The following OXNAD1 variants were observed in gnomAD, a reference collection of about 807,000 sequenced individuals.
The protein encoded by OXNAD1 is oxidoreductase NAD binding domain containing 1.
OXNAD1 carries 34 observed loss-of-function variants against 32.9 expected under a neutral mutation model. The ratio of observed to expected loss-of-function variants is 1.03; its 90% confidence interval spans 0.79 to 1.38. The LOEUF (loss-of-function observed/expected upper bound fraction) is 1.38. Ranked by LOEUF, OXNAD1 falls within the 40% of genes most tolerant of loss-of-function variation. The pLI, the probability that OXNAD1 is intolerant of heterozygous loss-of-function variation, is 0.00. For synonymous variants in OXNAD1, 134 were observed against 135.2 expected (o/e 0.99, Z 0.06); for missense variants, 407 against 379.4 (o/e 1.07, Z -0.60).
chr3:16,341,984 C>G (rs368957285), downstream of OXNAD1, among the ~76,000 whole-genome samples: 1 of 152,224 alleles, frequency 6.6e-6, no homozygotes, highest in African/African-American at 2.4e-5. This position sits in a 1 kb window ranked among gnomAD's most constrained non-coding sequence, Gnocchi z 4.7. Context: ...CTTTTCTTGA[C>G]CTGTATTTTC....
In OXNAD1 at chr3:16,346,263, A is replaced by G. The variant is rs1416421345; in HGVS notation, c.*31-2913A>G. 6.6e-6 allele frequency: 1 copy of G among 152,202 alleles called. No homozygotes were observed. The highest frequency in any genetic ancestry group is 1.5e-5 in the Non-Finnish European group (1 of 68,028). 9.4% of individuals were successfully genotyped at this position (152,202 alleles called of 1,614,324 possible). On this transcript the variant is annotated intron_variant, in intron 9 of 9. Transcript: ENST00000606098. The surrounding 1 kb of genome is among the most constrained non-coding windows in gnomAD (Gnocchi z 4.4). ...TTTCATCCATTCATCATGCTCTCACAGTGGCTGACACACAGTAGGAACTCA... is the reference window on the plus strand; with the variant it reads ...TTTCATCCATTCATCATGCTCTCACGGTGGCTGACACACAGTAGGAACTCA...
chr3:16,333,699 G>A (rs565427883), intron 9 of OXNAD1, among the ~76,000 whole-genome samples: 1 of 151,980 alleles, frequency 6.6e-6, no homozygotes, highest in Non-Finnish European at 1.5e-5. Context: ...ATGACAAAAT[G>A]GAAAAATGTT....
downstream of OXNAD1, among the ~76,000 whole-genome samples, chr3:16,310,718 G>A (rs146904458): frequency 6.1e-3 from 930 of 152,180 alleles, 7 homozygotes; most frequent in African/African-American, 0.02. Context: ...GGCTGGGCGC[G>A]GTGACTCACG....
chr3:16,266,690 A>G (rs1288795912), intron 1 of OXNAD1, among the ~76,000 whole-genome samples: 1 of 152,074 alleles, frequency 6.6e-6, no homozygotes, highest in Admixed American at 6.5e-5. Flanking sequence ...ATCAGGCCAG[A>G]AGGAGTTGTT....
At chr3:16,292,922 T>C (rs1189982610) in intron 5 of OXNAD1, among the ~76,000 whole-genome samples, 2 of 152,222 alleles carry the variant, frequency 1.3e-5, no homozygotes, top group Non-Finnish European at 2.9e-5. Context: ...TTCATTACTG[T>C]AGCTTTGTAG....
chr3:16,342,103 T>C (rs554802183), downstream of OXNAD1, among the ~76,000 whole-genome samples: 1 of 152,220 alleles, frequency 6.6e-6, no homozygotes, highest in Non-Finnish European at 1.5e-5. This position sits in a 1 kb window ranked among gnomAD's most constrained non-coding sequence, Gnocchi z 4.0. Flanking sequence ...TGGTTTATAA[T>C]ATATTCAGAG....
downstream of OXNAD1, among the ~76,000 whole-genome samples, chr3:16,339,038 T>C (rs1395897507): frequency 1.3e-5 from 2 of 152,206 alleles, no homozygotes; most frequent in Admixed American, 1.3e-4. Flanking sequence ...TAAAGATTAT[T>C]TCACTGTCCT....
chr3:16,302,575 T>C lies in OXNAD1; in HGVS notation c.676-65T>C, dbSNP rs1157859165. ...AATGGGAGTTGAGGTTCAGCGTCAA[T>C]GGTTGTGCACATCTGTTTTGATTTT... On this transcript the variant is annotated intron_variant, in intron 7 of 8. Transcript: ENST00000285083. The surrounding 1 kb of genome is among the most constrained non-coding windows in gnomAD (Gnocchi z 4.2). 1 of 1,080,618 alleles carries C rather than the reference T, an allele frequency of 9.3e-7. No individual in the cohort carries two copies. The highest frequency in any genetic ancestry group is 1.6e-5 in the African/African-American group (1 of 63,518). The allele number at this position is 1,080,618 out of a possible 1,614,324, so 66.9% of individuals were successfully genotyped here. A position where few individuals can be genotyped will look rare whatever the true frequency, so the allele number is the denominator to read the frequency against.
rs1344665138 is a variant in OXNAD1, at chr3:16,348,541, A to C, written c.*31-635A>C. ...CCTTGTTCAGTCTCTGCTCTCTCCCAGGGCACTTCTGGTCAGCAGGGCACA... is the reference window on the plus strand; with the variant it reads ...CCTTGTTCAGTCTCTGCTCTCTCCCCGGGCACTTCTGGTCAGCAGGGCACA... On this transcript the variant is annotated intron_variant, in intron 9 of 9. Coordinates refer to the OXNAD1 transcript ENST00000606098. This position sits in a 1 kb window ranked among gnomAD's most constrained non-coding sequence, Gnocchi z 6.3. Among the ~76,000 whole-genome samples, 1 of 151,998 alleles carries C rather than the reference A, an allele frequency of 6.6e-6. No individual in the cohort carries two copies. Among genetic ancestry groups the C allele is most frequent in the Non-Finnish European group, 1.5e-5 (1 of 67,968 alleles).
intron 6 of OXNAD1, among the ~76,000 whole-genome samples, chr3:16,296,768 T>G (rs2066827296): frequency 6.6e-6 from 1 of 152,110 alleles, no homozygotes; most frequent in Non-Finnish European, 1.5e-5. Flanking sequence ...CAATTTTGCA[T>G]CTAGATGCAA....
Position 16,301,537 on chromosome 3 carries a change from A to C in OXNAD1, c.433-89A>C. On this transcript the variant is annotated intron_variant, in intron 6 of 8. Coordinates refer to ENST00000285083, the MANE Select transcript of OXNAD1 (RefSeq NM_138381.5). This position sits in a 1 kb window ranked among gnomAD's most constrained non-coding sequence, Gnocchi z 4.1. ...AAATAGTCTTAAATACTGATAATAC[A>C]GGAGATAGACCCAGTTTTATTAAAG... The C allele has an allele frequency of 6.9e-7, 1 of 1,446,920 alleles. No individual in the cohort carries two copies. The highest frequency in any genetic ancestry group is 9.5e-7 in the Non-Finnish European group (1 of 1,055,784). The allele number at this position is 1,446,920 out of a possible 1,614,324, so 89.6% of individuals were successfully genotyped here. A position where few individuals can be genotyped will look rare whatever the true frequency, so the allele number is the denominator to read the frequency against.
At chr3:16,267,076 T>G (rs956174014) in intron 1 of OXNAD1, among the ~76,000 whole-genome samples, 8 of 152,238 alleles carry the variant, frequency 5.3e-5, no homozygotes, top group African/African-American at 9.6e-5. Context: ...TGAACTTACT[T>G]AATTTCAGTG....
At position 16,345,019 on chromosome 3, in the gene OXNAD1, C is replaced by G. The variant is rs1266205083; in HGVS notation, c.*31-4157C>G. On this transcript the variant is annotated intron_variant, in intron 9 of 9. Transcript: ENST00000606098. The surrounding 1 kb of genome is among the most constrained non-coding windows in gnomAD (Gnocchi z 5.2). ...GGAAAGCATAAGAAATGGGGGCAGC[C>G]CCCAGGAGCAAGGACCAGCTCCTGG... The G allele has an allele frequency of 6.6e-6, 1 of 152,196 alleles. No homozygotes were observed. Among genetic ancestry groups the G allele is most frequent in the African/African-American group, 2.4e-5 (1 of 41,428 alleles). 9.4% of individuals were successfully genotyped at this position (152,196 alleles called of 1,614,324 possible). A position where few individuals can be genotyped will look rare whatever the true frequency, so the allele number is the denominator to read the frequency against.
In OXNAD1 at chr3:16,287,100, C is replaced by T. The variant is rs891515212; in HGVS notation, c.290+652C>T. ...CATGCTGACTGGGTAACATTTCCTC[C>T]GAATGGGGCCTCCCTGAGCTTCAAT... On this transcript the variant is annotated intron_variant, in intron 5 of 8. Transcript: ENST00000285083. The surrounding 1 kb of genome is among the most constrained non-coding windows in gnomAD (Gnocchi z 4.8). Among the ~76,000 whole-genome samples the T allele has an allele frequency of 2.0e-5, 3 of 152,128 alleles. No individual in the cohort carries two copies. The highest frequency in any genetic ancestry group is 4.4e-5 in the Non-Finnish European group (3 of 68,020).
At chr3:16,269,328 A>T in intron 2 of OXNAD1, 53 bp downstream of exon 2, 1 of 1,514,472 alleles carries the variant, frequency 6.6e-7, no homozygotes, top group Non-Finnish European at 8.9e-7. Flanking sequence ...TTGACTTAGA[A>T]CATTTAATGG....
At position 16,345,264 on chromosome 3, in the gene OXNAD1, T is replaced by TGTGTGTG. The variant is rs1553725944; in HGVS notation, c.*31-3912_*31-3911insGTGTGTG. On this transcript the variant is annotated intron_variant, in intron 9 of 9. Transcript: ENST00000606098. The surrounding 1 kb of genome is among the most constrained non-coding windows in gnomAD (Gnocchi z 5.2). ...AAACTGTAAGATAATAAGTAGGTGG[T>TGTGTGTG]TGTGTGTGTGTGTGTGTGTGTGTGT... 6.9e-6 allele frequency: 1 copy of TGTGTGTG among 145,838 alleles called. No homozygotes were observed. The highest frequency in any genetic ancestry group is 2.6e-5 in the African/African-American group (1 of 37,754). The allele number at this position is 145,838 out of a possible 1,614,324, so 9.0% of individuals were successfully genotyped here.
At chr3:16,267,180 A>G (rs1441663737) in intron 1 of OXNAD1, among the ~76,000 whole-genome samples, 2 of 152,198 alleles carry the variant, frequency 1.3e-5, no homozygotes, top group Admixed American at 6.5e-5. Context: ...CTCTAATTCC[A>G]AAATATATGT....
At chr3:16,295,979 G>A (rs558422796) in intron 6 of OXNAD1, among the ~76,000 whole-genome samples, 2 of 152,282 alleles carry the variant, frequency 1.3e-5, no homozygotes, top group South Asian at 2.1e-4. Flanking sequence ...GAGAGAGGCC[G>A]AGTAGCAAAT....
chr3:16,323,827 A>G, intron 9 of OXNAD1, among the ~76,000 whole-genome samples: 1 of 152,228 alleles, frequency 6.6e-6, no homozygotes, highest in East Asian at 1.9e-4. Context: ...CAGGTAGATA[A>G]GGACCTGGGT....
Sources: allele counts gnomAD v4.1 joint callset (sites outside exome capture counted in the v4.1 genomes callset), GRCh38; gene constraint gnomAD v4.1.1; non-coding constraint Gnocchi (gnomAD v3.1); transcripts MANE v1.5; gene names NCBI Gene and HGNC (gene_info 2026-07-23, HGNC 2026-07-21).